The following ZNF763 variants were observed in gnomAD, a reference collection of about 807,000 sequenced individuals.
The protein encoded by ZNF763 is DNA-binding protein.
Under a neutral mutation model 38.0 loss-of-function variants are expected in ZNF763, and 33 were observed. That is an observed-to-expected ratio of 0.87 (90% CI 0.66 to 1.16). The LOEUF is 1.16. Among genes scored for constraint, ZNF763 ranks in the 50% most tolerant of loss-of-function variants. The pLI is 0.00. For missense variants in ZNF763, 423 were observed against 469.1 expected, an observed-to-expected ratio of 0.90 and a Z score of 0.91; for synonymous variants, 155 against 160.1, an observed-to-expected ratio of 0.97 and a Z score of 0.24.
At chr19:11,972,434 A>C (rs536438636) in intron 1 of ZNF763, among the ~76,000 whole-genome samples, 72 of 152,338 alleles carry the variant, frequency 4.7e-4, no homozygotes, top group Admixed American at 1.4e-3. Context: ...CATTCTAGAA[A>C]CTTAGTAAAA....
chr19:11,968,522 A>G (rs1973285620), intron 1 of ZNF763, among the ~76,000 whole-genome samples: 1 of 152,204 alleles, frequency 6.6e-6, no homozygotes, highest in Admixed American at 6.5e-5. Flanking sequence ...GATTATAGAC[A>G]TGAGCAAATG....
Position 11,978,099 on chromosome 19 carries a change from C to T in ZNF763, c.192-17C>T, listed in dbSNP as rs768174980. 28 of 1,605,008 alleles carry T rather than the reference C, an allele frequency of 1.7e-5. No homozygotes were observed. Among genetic ancestry groups the T allele is most frequent in the Non-Finnish European group, 2.3e-5 (27 of 1,178,100 alleles). On this transcript the variant is annotated splice_polypyrimidine_tract_variant and intron_variant, in intron 3 of 3. Transcript: ENST00000358987. ...TTACTCATAAACCCTTCATAATGTG[C>T]TTCTCACTTTTGACAGGAGTCTCAT...
Position 11,979,551 on chromosome 19 carries a change from A to G in ZNF763, c.*442A>G, listed in dbSNP as rs1209537782. The stretch of plus-strand genomic sequence containing the variant: ...ACTGCAGAGAAACCCTATGAATGCA[A>G]GCAATGTGGTAAAGCCTTCAGTAGT... On this transcript the variant is annotated 3_prime_UTR_variant, in exon 4 of 4. Coordinates refer to ENST00000358987, the MANE Select transcript of ZNF763 (RefSeq NM_001367172.2). 1 of 1,603,024 alleles carries G rather than the reference A, an allele frequency of 6.2e-7. No homozygotes were observed. The highest frequency in any genetic ancestry group is 1.3e-5 in the African/African-American group (1 of 74,296).
Position 11,973,316 on chromosome 19 carries a change from G to T in ZNF763, c.4-3722G>T, listed in dbSNP as rs1272717539. Among the ~76,000 whole-genome samples the T allele has an allele frequency of 2.0e-5, 3 of 152,128 alleles. 1 individual carries two copies. Among genetic ancestry groups the T allele is most frequent in the Admixed American group, 2.0e-4 (3 of 15,264 alleles). On this transcript the variant is annotated intron_variant, in intron 1 of 3. Coordinates refer to ENST00000358987, the MANE Select transcript of ZNF763 (RefSeq NM_001367172.2). ...TGCTGTAAGTGGCCATTTCAGACTT[G>T]CTTCTTTCATGTAAAAATATGCCTT... is the stretch of plus-strand genomic sequence containing the variant.
In ZNF763 at chr19:11,979,475, G is replaced by A. The variant is rs1324947652; in HGVS notation, c.*366G>A. 2 of 1,603,872 alleles carry A rather than the reference G, an allele frequency of 1.2e-6. No individual in the cohort carries two copies. Among genetic ancestry groups the A allele is most frequent in the Non-Finnish European group, 1.7e-6 (2 of 1,173,338 alleles). ...AAGACCTTATAAATGTAAGACATGTGGGAAAGGCTTTTATTCTCCCACGTC... is the reference window on the plus strand; with the variant it reads ...AAGACCTTATAAATGTAAGACATGTAGGAAAGGCTTTTATTCTCCCACGTC... On this transcript the variant is annotated 3_prime_UTR_variant, in exon 4 of 4. Coordinates refer to ENST00000358987, the MANE Select transcript of ZNF763 (RefSeq NM_001367172.2).
At chr19:11,970,310 A>G (rs535316516) in intron 1 of ZNF763, among the ~76,000 whole-genome samples, 1 of 152,254 alleles carries the variant, frequency 6.6e-6, no homozygotes, top group African/African-American at 2.4e-5. Flanking sequence ...GGAGGTGGTC[A>G]CCAGAATGCA....
At chr19:11,974,046 TTC>T (rs1973405036) in intron 1 of ZNF763, among the ~76,000 whole-genome samples, 1 of 151,210 alleles carries the variant, frequency 6.6e-6, no homozygotes, top group African/African-American at 2.5e-5. Context: ...ATTGTTTTCT[TTC>T]TTTCTTTCTT....
intron 1 of ZNF763, among the ~76,000 whole-genome samples, chr19:11,965,758 G>GC (rs1464665365): frequency 2.6e-5 from 4 of 152,292 alleles, no homozygotes; most frequent in African/African-American, 9.6e-5. Flanking sequence ...AGAGACCTTG[G>GC]CAAGGGAAAC....
chr19:11,977,246 C>T, intron 2 of ZNF763, 82 bp downstream of exon 2: 2 of 1,605,464 alleles, frequency 1.2e-6, no homozygotes, highest in Non-Finnish European at 1.7e-6. Flanking sequence ...TCATTTGGAA[C>T]ATAGACAGGA....
At position 11,980,028 on chromosome 19, in the gene ZNF763, G is replaced by A. The variant is rs1036155448; in HGVS notation, c.*919G>A. 22 of 1,118,982 alleles carry A rather than the reference G, an allele frequency of 2.0e-5. No individual in the cohort carries two copies. Among genetic ancestry groups the A allele is most frequent in the South Asian group, 9.9e-5 (8 of 81,084 alleles). 69.3% of individuals were successfully genotyped at this position (1,118,982 alleles called of 1,614,324 possible). A position where few individuals can be genotyped will look rare whatever the true frequency, so the allele number is the denominator to read the frequency against. ...GCCTTTATTTCTTTCACTTCTTTTC[G>A]ATAACATGAAAGGACTCACACTGGA... On this transcript the variant is annotated 3_prime_UTR_variant, in exon 4 of 4. Coordinates refer to ENST00000358987, the MANE Select transcript of ZNF763 (RefSeq NM_001367172.2).
chr19:11,967,999 T>A (rs1032172133), intron 1 of ZNF763, among the ~76,000 whole-genome samples: 6 of 152,228 alleles, frequency 3.9e-5, no homozygotes, highest in Admixed American at 6.5e-5. Flanking sequence ...TATTGGGACA[T>A]CCGGATGTTC....
At position 11,977,417 on chromosome 19, in the gene ZNF763, C is replaced by T. The variant is rs1973519253; in HGVS notation, c.177C>T (p.Pro59=). The change falls in exon 3 of 4, where the codon CCC becomes CCT. Residue 59 remains proline (P), a synonymous_variant. Transcript: ENST00000358987. The part of the protein sequence containing the change: ...DQNIEYEYQN[P]RRNFRSLIEG... ...ACATTGAATATGAGTACCAAAACCC[C>T]AGGAGAAACTTCAGGTAATTGGCAC... is the stretch of plus-strand genomic sequence containing the variant. The T allele has an allele frequency of 6.2e-7, 1 of 1,613,894 alleles. No homozygotes were observed. Among genetic ancestry groups the T allele is most frequent in the Non-Finnish European group, 8.5e-7 (1 of 1,179,910 alleles).
At position 11,980,361 on chromosome 19, in the gene ZNF763, A is replaced by G. The variant is rs1434502651; in HGVS notation, c.*1252A>G. On this transcript the variant is annotated 3_prime_UTR_variant, in exon 4 of 4. Coordinates refer to ENST00000358987, the MANE Select transcript of ZNF763 (RefSeq NM_001367172.2). ...GTGCCATTGCACTCTAGCCTGGGCA[A>G]CAGGAGCAAAACTCCGTCTCAAAAA... The G allele has an allele frequency of 2.7e-5, 4 of 150,480 alleles. No individual in the cohort carries two copies. Among genetic ancestry groups the G allele is most frequent in the Non-Finnish European group, 5.6e-5 (4 of 71,566 alleles). The allele number at this position is 150,480 out of a possible 1,614,324, so 9.3% of individuals were successfully genotyped here. A position where few individuals can be genotyped will look rare whatever the true frequency, so the allele number is the denominator to read the frequency against.
At chr19:11,965,233 TC>T (rs554676328) in intron 1 of ZNF763, 22 bp downstream of exon 1, 3 of 1,613,912 alleles carry the variant, frequency 1.9e-6, no homozygotes, top group Non-Finnish European at 2.5e-6. Context: ...TAGCCGGTTG[TC>T]CCGAGACGGG....
rs981406838 is a variant in ZNF763 at position 11,979,542 on chromosome 19, A to G, written c.*433A>G. 7 of 1,603,606 alleles carry G rather than the reference A, an allele frequency of 4.4e-6. No individual in the cohort carries two copies. Among genetic ancestry groups the G allele is most frequent in the Middle Eastern group, 1.7e-4 (1 of 6,020 alleles). On this transcript the variant is annotated 3_prime_UTR_variant, in exon 4 of 4. Transcript: ENST00000358987. ...AAAACTCACACTGCAGAGAAACCCTATGAATGCAAGCAATGTGGTAAAGCC... is the reference window on the plus strand; with the variant it reads ...AAAACTCACACTGCAGAGAAACCCTGTGAATGCAAGCAATGTGGTAAAGCC...
chr19:11,975,795 T>C (rs1373437949), intron 1 of ZNF763, among the ~76,000 whole-genome samples: 1 of 152,114 alleles, frequency 6.6e-6, no homozygotes, highest in Non-Finnish European at 1.5e-5. Flanking sequence ...CACTGCTCAT[T>C]ACTGCCACCC....
chr19:11,972,669 A>G (rs1481885981), intron 1 of ZNF763, among the ~76,000 whole-genome samples: 3 of 152,222 alleles, frequency 2.0e-5, no homozygotes, highest in Admixed American at 2.0e-4. Context: ...ACATGGAATG[A>G]TAGTTAATTC....
intron 1 of ZNF763, among the ~76,000 whole-genome samples, chr19:11,973,357 C>A (rs1165515892): frequency 6.6e-6 from 1 of 152,076 alleles, no homozygotes. Flanking sequence ...TCTCTCGATA[C>A]CTTTGTTGCT....
In ZNF763 at chr19:11,979,738, C is replaced by G. The variant is rs1196573999; in HGVS notation, c.*629C>G. On this transcript the variant is annotated 3_prime_UTR_variant, in exon 4 of 4. Coordinates refer to ENST00000358987, the MANE Select transcript of ZNF763 (RefSeq NM_001367172.2). ...AGTGTAAGCAATGTGGGAAAGCCTT[C>G]AGATCTGCCCCACACCTTCGAATCC... 1.1e-5 allele frequency: 17 copies of G among 1,594,324 alleles called. No homozygotes were observed. The highest frequency in any genetic ancestry group is 1.4e-5 in the African/African-American group (1 of 73,978).
Sources: allele counts gnomAD v4.1 joint callset (sites outside exome capture counted in the v4.1 genomes callset), GRCh38; gene constraint gnomAD v4.1.1; transcripts MANE v1.5; gene names NCBI Gene and HGNC (gene_info 2026-07-23, HGNC 2026-07-21).